Variants in RUNX1 observed in about 807,000 individuals in gnomAD.
The protein encoded by RUNX1 is RUNX family transcription factor 1, also known as runt-related transcription factor 1.
In RUNX1, 19 loss-of-function variants were observed where a neutral mutation model predicts 42.8. The ratio of observed to expected loss-of-function variants is 0.44; its 90% CI spans 0.31 to 0.65. RUNX1 has a LOEUF of 0.65. Ranked by LOEUF, RUNX1 falls within the 30% of genes least tolerant of loss-of-function variation. RUNX1 has a pLI of 0.07. For missense variants in RUNX1, 528 were observed against 672.0 expected (o/e 0.79, Z 2.37); for synonymous variants, 271 against 289.4 (o/e 0.94, Z 0.64).
chr21:34,942,641 G>A (rs2146637896), intron 2 of RUNX1, among the ~76,000 whole-genome samples: 1 of 152,330 alleles, frequency 6.6e-6, no homozygotes, highest in East Asian at 1.9e-4. Context: ...CCTGGGAAGG[G>A]TGAGTGGGGA....
At chr21:34,865,993 G>A (rs536688323) in intron 5 of RUNX1, among the ~76,000 whole-genome samples, 9 of 152,216 alleles carry the variant, frequency 5.9e-5, no homozygotes, top group East Asian at 1.9e-4. Context: ...GTTGTGACTC[G>A]GCCTCCTCAG....
chr21:34,885,307 C>T (rs558435961), intron 4 of RUNX1, among the ~76,000 whole-genome samples: 1 of 152,268 alleles, frequency 6.6e-6, no homozygotes, highest in East Asian at 1.9e-4. Context: ...GTTGGGTCCC[C>T]TCTCAATGCG....
At chr21:34,993,738 CAG>C (rs1282945955) in intron 2 of RUNX1, among the ~76,000 whole-genome samples, 1 of 128,152 alleles carries the variant, frequency 7.8e-6, no homozygotes, top group Non-Finnish European at 1.5e-5. Context: ...CACAGACACA[CAG>C]AGACACACAC....
At chr21:34,804,783 C>T (rs891764009) in intron 7 of RUNX1, among the ~76,000 whole-genome samples, 4 of 149,648 alleles carry the variant, frequency 2.7e-5, no homozygotes, top group Non-Finnish European at 4.4e-5. Flanking sequence ...CGCTCTGTCG[C>T]CCACACTGGA....
chr21:34,951,680 C>A (rs959844980), intron 2 of RUNX1, among the ~76,000 whole-genome samples: 2 of 152,122 alleles, frequency 1.3e-5, no homozygotes, highest in African/African-American at 4.8e-5. Context: ...CAATGAGATA[C>A]CATCTCACAC....
chr21:34,807,757 G>C (rs925526324), intron 7 of RUNX1, among the ~76,000 whole-genome samples: 1 of 152,178 alleles, frequency 6.6e-6, no homozygotes, highest in Non-Finnish European at 1.5e-5. Flanking sequence ...GTGGTGGTTT[G>C]CATCTCACTG....
At chr21:34,995,992 A>C (rs780040942) in intron 2 of RUNX1, among the ~76,000 whole-genome samples, 2 of 152,224 alleles carry the variant, frequency 1.3e-5, no homozygotes, top group Non-Finnish European at 2.9e-5. Flanking sequence ...CACATTCAGC[A>C]TAGATTTGCT....
chr21:34,936,891 A>G (rs1445775229), intron 2 of RUNX1, among the ~76,000 whole-genome samples: 1 of 152,092 alleles, frequency 6.6e-6, no homozygotes, highest in African/African-American at 2.4e-5. Context: ...ACTATAATTT[A>G]TGGTGGTTTA....
intron 6 of RUNX1, among the ~76,000 whole-genome samples, chr21:34,839,071 A>C (rs577424376): frequency 5.9e-5 from 9 of 152,260 alleles, no homozygotes; most frequent in East Asian, 1.9e-4. Flanking sequence ...AGCTAAGACA[A>C]CACCACAAGG....
chr21:34,826,758 A>G (rs887260989), intron 7 of RUNX1, among the ~76,000 whole-genome samples: 1 of 151,986 alleles, frequency 6.6e-6, no homozygotes, highest in African/African-American at 2.4e-5. Context: ...AATTAAATTT[A>G]TTTTCTTTAT....
intron 2 of RUNX1, among the ~76,000 whole-genome samples, chr21:35,024,614 T>C (rs1228439721): frequency 2.0e-5 from 3 of 152,252 alleles, no homozygotes; most frequent in Non-Finnish European, 2.9e-5. Context: ...GGATCAGTTA[T>C]ATAGTTAGGT....
chr21:34,942,167 G>A (rs1488539878), intron 2 of RUNX1, among the ~76,000 whole-genome samples: 1 of 152,140 alleles, frequency 6.6e-6, no homozygotes, highest in African/African-American at 2.4e-5. Context: ...ATGTTGGAGT[G>A]AGCCTGTGTG....
At chr21:34,873,845 A>G (rs1309735769) in intron 5 of RUNX1, among the ~76,000 whole-genome samples, 2 of 152,238 alleles carry the variant, frequency 1.3e-5, no homozygotes, top group Non-Finnish European at 2.9e-5. Context: ...AGCAGAACCA[A>G]TGATGGAGTA....
chr21:34,829,843 A>G (rs1362386560), intron 7 of RUNX1: 1 of 152,242 alleles, frequency 6.6e-6, no homozygotes, highest in Non-Finnish European at 1.5e-5. Context: ...ATGCAGTTGG[A>G]TATTTTACCT....
Position 34,816,593 on chromosome 21 carries a change from C to T in RUNX1, c.806-17131G>A, listed in dbSNP as rs114383906. Among the ~76,000 whole-genome samples, 655 of 151,892 alleles carry T rather than the reference C, an allele frequency of 4.3e-3. 4 individuals are homozygous for T. Among genetic ancestry groups the T allele is most frequent in the African/African-American group, 0.015 (620 of 41,386 alleles). ...AGAGACCAACAGATCAGTCAGGAGT[C>T]GGGAAGGGAGTCAGTCTGGGCCTCA... On this transcript the variant is annotated intron_variant, in intron 7 of 8. Coordinates refer to ENST00000675419, the MANE Select transcript of RUNX1 (RefSeq NM_001754.5).
chr21:34,924,625 G>C (rs1238102935), intron 2 of RUNX1, among the ~76,000 whole-genome samples: 1 of 152,172 alleles, frequency 6.6e-6, no homozygotes, highest in East Asian at 1.9e-4. Context: ...TTGGGCATGA[G>C]ACCAAAGAGG....
intron 7 of RUNX1, among the ~76,000 whole-genome samples, chr21:34,830,341 A>G (rs919465529): frequency 6.6e-6 from 1 of 152,158 alleles, no homozygotes; most frequent in Non-Finnish European, 1.5e-5. Context: ...CATTATTCTG[A>G]GTTTTCTTTT....
At chr21:35,005,708 T>A (rs2059079231) in intron 2 of RUNX1, among the ~76,000 whole-genome samples, 1 of 152,196 alleles carries the variant, frequency 6.6e-6, no homozygotes, top group Admixed American at 6.5e-5. Flanking sequence ...CCTTCCCTCA[T>A]GCTATAAATG....
At chr21:34,811,019 A>G (rs921882980) in intron 7 of RUNX1, among the ~76,000 whole-genome samples, 1 of 152,174 alleles carries the variant, frequency 6.6e-6, no homozygotes, top group Non-Finnish European at 1.5e-5. Flanking sequence ...AAGGAGCACC[A>G]TAGCCACCCT....
Sources: allele counts gnomAD v4.1 joint callset (sites outside exome capture counted in the v4.1 genomes callset), GRCh38; gene constraint gnomAD v4.1.1; transcripts MANE v1.5; gene names NCBI Gene and HGNC (gene_info 2026-07-23, HGNC 2026-07-21).